The following XRN1 variants were observed in gnomAD, a reference collection of about 807,000 sequenced individuals.
XRN1 encodes the protein strand-exchange protein 1 homolog.
A neutral mutation model predicts 222.3 loss-of-function variants in XRN1; 67 were observed. That is an observed-to-expected ratio of 0.30 (90% CI 0.25 to 0.37). XRN1 has a LOEUF of 0.37. XRN1 is among the 10% of genes least tolerant of loss of function. The pLI is 1.00. For missense variants in XRN1, 1,707 were observed against 2,000.2 expected (o/e 0.85, Z 2.80); for synonymous variants, 643 against 652.4 (o/e 0.99, Z 0.22).
At chr3:142,347,374 A>G in intron 32 of XRN1, 32 bp from the exon 33 acceptor site, 4 of 1,341,790 alleles carry the variant, frequency 3.0e-6, no homozygotes, top group Non-Finnish European at 4.1e-6. Flanking sequence ...AATTAAACAA[A>G]ATCTTAATAT....
chr3:142,414,039 G>A, intron 14 of XRN1, 96 bp downstream of exon 14: 1 of 1,233,520 alleles, frequency 8.1e-7, no homozygotes, highest in Non-Finnish European at 1.1e-6. Flanking sequence ...TAACTACTTA[G>A]CTACCAAATA....
intron 1 of XRN1, among the ~76,000 whole-genome samples, chr3:142,434,129 A>G (rs982164426): frequency 6.6e-6 from 1 of 152,110 alleles, no homozygotes; most frequent in African/African-American, 2.4e-5. Flanking sequence ...TGACTTTTCA[A>G]CAGGGGTATT....
rs769504747 is a variant in XRN1, at chr3:142,384,554, A to G, written c.2471T>C (p.Val824Ala). ...AATAGTTTGATAAACAAAAGGAACAACTTGTTTTGACCACTGTTTCTCTAG... is the reference window on the plus strand; with the variant it reads ...AATAGTTTGATAAACAAAAGGAACAGCTTGTTTTGACCACTGTTTCTCTAG... ...VRLEKQWSKQ[V>A]VPFVYQTIVK... is the part of the protein sequence containing the mutation. Residue 824 changes from valine (V) to alanine (A), a missense_variant, in exon 21 of 41, where the codon GTT becomes GCT. By Grantham distance (64) the Val-to-Ala change is moderately conservative (BLOSUM62 0). Around this residue, in one of 2 missense-constraint regions of XRN1, gnomAD observed 1,234 missense variants for 1,518.2 expected, o/e 0.81. Transcript: ENST00000392981. 2.5e-6 allele frequency: 4 copies of G among 1,611,654 alleles called. No homozygotes were observed. The highest frequency in any genetic ancestry group is 3.4e-6 in the Non-Finnish European group (4 of 1,179,340).
chr3:142,418,865 A>G lies in XRN1; in HGVS notation c.1190T>C (p.Leu397Pro), dbSNP rs995007646. 4.3e-6 allele frequency: 7 copies of G among 1,613,924 alleles called. No homozygotes were observed. The highest frequency in any genetic ancestry group is 5.9e-6 in the Non-Finnish European group (7 of 1,179,934). ...ATTTTTGTCTAAAGCAGTCCAACAC[A>G]GAGAATTTTCCTGGCCCTGTAAATT... ...KKKLKGQENSLCWTALDKNEG... is the reference protein window; with the variant it reads ...KKKLKGQENSPCWTALDKNEG... The change falls in exon 11 of 41, where the codon CTG becomes CCG. Residue 397 changes from leucine (L) to proline (P), a missense_variant. This residue lies in a region of XRN1 where 1,234 missense variants were observed against 1,518.2 expected (regional missense o/e 0.81). Transcript: ENST00000392981.
intron 27 of XRN1, among the ~76,000 whole-genome samples, chr3:142,368,306 G>A (rs565153813): frequency 3.3e-5 from 5 of 151,958 alleles, no homozygotes; most frequent in East Asian, 3.9e-4. Context: ...CCGCCACCAC[G>A]CCTGGCTAAT....
chr3:142,324,933 T>C (rs549869624), intron 37 of XRN1, among the ~76,000 whole-genome samples: 476 of 152,302 alleles, frequency 3.1e-3, no homozygotes, highest in Non-Finnish European at 5.5e-3. Flanking sequence ...TGTATATATA[T>C]ACACACACAT....
intron 36 of XRN1, among the ~76,000 whole-genome samples, chr3:142,329,827 T>C (rs1290496644): frequency 6.6e-6 from 1 of 152,172 alleles, no homozygotes; most frequent in East Asian, 1.9e-4. Context: ...GCCATCCAAG[T>C]GACTGTCAGC....
At chr3:142,389,756 G>A (rs1200663936) in intron 20 of XRN1, among the ~76,000 whole-genome samples, 1 of 152,178 alleles carries the variant, frequency 6.6e-6, no homozygotes, top group Non-Finnish European at 1.5e-5. Flanking sequence ...CTGACCCCAG[G>A]TGATCCACCC....
intron 2 of XRN1, among the ~76,000 whole-genome samples, chr3:142,431,899 ATATTATATATAT>A (rs2069579071): frequency 3.0e-5 from 1 of 32,808 alleles, no homozygotes; most frequent in African/African-American, 1.6e-4. Flanking sequence ...TATAATATAT[ATATTATATATAT>A]AAATATATAT....
intron 16 of XRN1, among the ~76,000 whole-genome samples, chr3:142,404,389 T>C (rs1270318186): frequency 6.6e-6 from 1 of 152,222 alleles, no homozygotes; most frequent in Non-Finnish European, 1.5e-5. Flanking sequence ...ATGTTTACTT[T>C]ATTTGCAACT....
chr3:142,419,054 TTC>T lies in XRN1; in HGVS notation c.1174-175_1174-174del, dbSNP rs2068901689. On this transcript the variant is annotated intron_variant, in intron 10 of 40. Coordinates refer to ENST00000392981, the MANE Select transcript of XRN1 (RefSeq NM_001282857.2). ...TGATCTCAATCCTTTCTCTCCTCTATTCTCTGATTTCCTGTCTACTGCCAATG... is the reference window on the plus strand; with the variant it reads ...TGATCTCAATCCTTTCTCTCCTCTATTCTGATTTCCTGTCTACTGCCAATG... Among the ~76,000 whole-genome samples, 4 of 152,338 alleles carry T rather than the reference TTC, an allele frequency of 2.6e-5. No homozygotes were observed. The South Asian group carries it at 8.3e-4, about 32-fold the overall frequency.
intron 25 of XRN1, among the ~76,000 whole-genome samples, chr3:142,371,888 T>C (rs545803904): frequency 2.8e-4 from 43 of 152,300 alleles, no homozygotes; most frequent in Admixed American, 5.9e-4. Flanking sequence ...TGGTGGCATA[T>C]ATAACCTGTT....
rs6796656 is a variant in XRN1, at chr3:142,416,487, T to C, written c.1436+653A>G. On this transcript the variant is annotated intron_variant, in intron 13 of 40. Transcript: ENST00000392981. Reference sequence around the variant, plus strand: ...GCATGAGCCACTGTGCCCGAACACTTCAATAATTATTCTTGATAGAGAATT... The same window carrying C: ...GCATGAGCCACTGTGCCCGAACACTCCAATAATTATTCTTGATAGAGAATT... 3.9e-3 allele frequency among the ~76,000 whole-genome samples: 601 copies of C among 152,258 alleles called. 4 individuals carry two copies. The highest frequency in any genetic ancestry group is 0.013 in the African/African-American group (554 of 41,552).
At chr3:142,379,068 G>C (rs2067224815) in intron 23 of XRN1, among the ~76,000 whole-genome samples, 1 of 151,262 alleles carries the variant, frequency 6.6e-6, no homozygotes, top group Non-Finnish European at 1.5e-5. Context: ...TCAGGGGTTT[G>C]AGACCAACAT....
At chr3:142,408,343 G>A (rs1257514370) in intron 15 of XRN1, among the ~76,000 whole-genome samples, 1 of 152,162 alleles carries the variant, frequency 6.6e-6, no homozygotes, top group Non-Finnish European at 1.5e-5. Context: ...TACCCTTTGT[G>A]GGGGTGCTTG....
Position 142,421,135 on chromosome 3 carries a change from T to C in XRN1, c.1054A>G (p.Ser352Gly). The change falls in exon 10 of 41, where the codon AGT (serine) becomes GGT (glycine). Residue 352 changes from serine to glycine, a missense_variant. Physicochemically the swap from Ser to Gly is moderately conservative, Grantham distance 56. Coordinates refer to ENST00000392981, the MANE Select transcript of XRN1 (RefSeq NM_001282857.2). ...CATTTTAGGTCCACAAAAACTTCAC[T>C]GAAGTGCTCCCGATCAAACTGTACA... Reference protein sequence around the residue: ...KLSDFDREHFSEVFVDLKWFE... With the variant: ...KLSDFDREHFGEVFVDLKWFE... The C allele has an allele frequency of 6.2e-7, 1 of 1,613,374 alleles. No individual in the cohort carries two copies. Among genetic ancestry groups the C allele is most frequent in the Non-Finnish European group, 8.5e-7 (1 of 1,179,660 alleles).
chr3:142,432,541 C>A, intron 2 of XRN1, 120 bp downstream of exon 2: 1 of 938,226 alleles, frequency 1.1e-6, no homozygotes, highest in African/African-American at 1.7e-5. Context: ...ATTTCCATTT[C>A]TGGGGGAGTT....
Position 142,412,465 on chromosome 3 carries a change from AC to A in XRN1, c.1713+78del, listed in dbSNP as rs2068621839. On this transcript the variant is annotated intron_variant, in intron 15 of 40. Transcript: ENST00000392981. ...TAACAAAACATAAATGGTGATTAAA[AC>A]CCATTGCTCATTAACCTATGTGAAA... is the stretch of plus-strand genomic sequence containing the variant. The A allele has an allele frequency of 2.1e-6, 3 of 1,413,632 alleles. No individual in the cohort carries two copies. In the Admixed American group the frequency reaches 6.6e-5, roughly 31 times the overall value. 87.6% of individuals were successfully genotyped at this position (1,413,632 alleles called of 1,614,324 possible).
intron 32 of XRN1, among the ~76,000 whole-genome samples, chr3:142,349,189 A>T (rs913869914): frequency 6.6e-5 from 10 of 152,066 alleles, no homozygotes; most frequent in African/African-American, 2.4e-4. Flanking sequence ...CCTGGGCTCC[A>T]GTGACCTACC....
Sources: gnomAD v4.1 joint callset for allele counts (sites outside exome capture counted in the v4.1 genomes callset) on GRCh38, gnomAD v4.1.1 for gene constraint, gnomAD v4.1.1 regional missense constraint, MANE v1.5 for transcripts, NCBI Gene and HGNC (gene_info 2026-07-23, HGNC 2026-07-21) for gene names.